The following ALK variants were observed in gnomAD, a reference collection of about 807,000 sequenced individuals.
ALK encodes ALK receptor tyrosine kinase, also known as ALK tyrosine kinase receptor.
A neutral mutation model predicts 163.1 loss-of-function variants in ALK; 74 were observed. That is an observed-to-expected ratio of 0.45 (90% CI 0.38 to 0.55). The LOEUF (loss-of-function observed/expected upper bound fraction) is 0.55, where lower values mean the gene tolerates loss of function less well. Among genes scored for constraint, ALK ranks in the 20% least tolerant of loss-of-function variants. The pLI, the probability that ALK is intolerant of heterozygous loss-of-function variation, is 0.00. For synonymous variants in ALK, 960 were observed against 843.2 expected, an observed-to-expected ratio of 1.14 and a Z score of -2.40; for missense variants, 2,063 against 2,105.3, an observed-to-expected ratio of 0.98 and a Z score of 0.39.
intron 4 of ALK, among the ~76,000 whole-genome samples, chr2:29,529,578 T>C (rs1673060994): frequency 6.6e-6 from 1 of 152,228 alleles, no homozygotes; most frequent in Non-Finnish European, 1.5e-5. Flanking sequence ...CTCTGAACAG[T>C]GCAAAGCTGG....
chr2:29,711,609 G>T (rs1264782263), intron 2 of ALK, among the ~76,000 whole-genome samples: 3 of 151,610 alleles, frequency 2.0e-5, no homozygotes, highest in Non-Finnish European at 2.9e-5. Context: ...TGCTAAGGGG[G>T]AAATGATGCA....
intron 3 of ALK, among the ~76,000 whole-genome samples, chr2:29,588,420 G>A (rs1674951702): frequency 6.6e-6 from 1 of 152,006 alleles, no homozygotes; most frequent in Non-Finnish European, 1.5e-5. Flanking sequence ...TAGTAGAGAT[G>A]GGGTTTTGCC....
intron 4 of ALK, among the ~76,000 whole-genome samples, chr2:29,522,906 C>A (rs1345212413): frequency 6.6e-6 from 1 of 152,034 alleles, no homozygotes; most frequent in Admixed American, 6.5e-5. Context: ...AAAGTGAAAG[C>A]GAGGGGAGAG....
intron 1 of ALK, among the ~76,000 whole-genome samples, chr2:29,887,487 A>T (rs1369940765): frequency 2.0e-5 from 3 of 152,162 alleles, no homozygotes; most frequent in African/African-American, 7.2e-5. Context: ...TCTGCCACAC[A>T]CTATTAGTCA....
chr2:29,545,260 G>A (rs1005283641), intron 3 of ALK, among the ~76,000 whole-genome samples: 14 of 152,188 alleles, frequency 9.2e-5, no homozygotes, highest in Admixed American at 3.9e-4. Flanking sequence ...CCATGGCTGA[G>A]CAGTATTTGA....
chr2:29,421,364 C>T (rs970638772), intron 4 of ALK, among the ~76,000 whole-genome samples: 6 of 151,384 alleles, frequency 4.0e-5, no homozygotes, highest in Non-Finnish European at 8.8e-5. Flanking sequence ...ATTTCAGCTC[C>T]GTTATTGAGT....
At chr2:29,333,912 T>C (rs963550628) in intron 5 of ALK, among the ~76,000 whole-genome samples, 1 of 152,212 alleles carries the variant, frequency 6.6e-6, no homozygotes, top group Non-Finnish European at 1.5e-5. Context: ...GCACCCAGCC[T>C]GAAATTTTCA....
chr2:29,872,617 A>C (rs1666609066), intron 1 of ALK, among the ~76,000 whole-genome samples: 2 of 152,200 alleles, frequency 1.3e-5, no homozygotes, highest in South Asian at 4.1e-4. Flanking sequence ...CCAGCATTGC[A>C]AAAGGGTATC....
chr2:29,400,713 G>A (rs1021844382), intron 4 of ALK, among the ~76,000 whole-genome samples: 1 of 152,150 alleles, frequency 6.6e-6, no homozygotes, highest in Admixed American at 6.5e-5. Flanking sequence ...GGTGGCTCAC[G>A]CCTGTGGTCC....
chr2:29,669,648 T>C (rs1008884060), intron 3 of ALK, among the ~76,000 whole-genome samples: 3 of 152,076 alleles, frequency 2.0e-5, no homozygotes, highest in Admixed American at 1.3e-4. Flanking sequence ...ATTCTCTGCT[T>C]TCTGGCTGTT....
rs142109683 is a variant in ALK, at chr2:29,239,797, G to C, written c.2238C>G (p.Gly746=). ...ISGYGAAGGK[G]GKNTMMRSHG... Reference sequence around the variant, plus strand: ...GGGACCGCATCATGGTGTTCTTCCCGCCTTTCCCGCCAGCAGCTCCGTAGC... The same window carrying C: ...GGGACCGCATCATGGTGTTCTTCCCCCCTTTCCCGCCAGCAGCTCCGTAGC... The change falls in exon 13 of 29, where the codon GGC becomes GGG. Residue 746 remains glycine, a synonymous_variant. Coordinates refer to ENST00000389048, the MANE Select transcript of ALK (RefSeq NM_004304.5). 2 of 1,613,630 alleles carry C rather than the reference G, an allele frequency of 1.2e-6. No homozygotes were observed. Among genetic ancestry groups the C allele is most frequent in the African/African-American group, 2.7e-5 (2 of 74,908 alleles).
At chr2:29,673,581 C>A (rs1363014157) in intron 3 of ALK, among the ~76,000 whole-genome samples, 98 of 136,950 alleles carry the variant, frequency 7.2e-4, no homozygotes, top group African/African-American at 2.7e-3. Flanking sequence ...GTTACTGTAG[C>A]CTTGTAGTAT....
At chr2:29,216,748 CGT>C (rs895786143) in intron 23 of ALK, among the ~76,000 whole-genome samples, 1 of 147,842 alleles carries the variant, frequency 6.8e-6, no homozygotes, top group African/African-American at 2.5e-5. Context: ...GTTTTGTGTA[CGT>C]GTGTGGTTTG....
intron 8 of ALK, among the ~76,000 whole-genome samples, chr2:29,306,921 C>T (rs555407094): frequency 1.4e-4 from 22 of 152,328 alleles, no homozygotes; most frequent in African/African-American, 4.6e-4. Context: ...TTCCAGCCAG[C>T]GCTTTCACAA....
intron 4 of ALK, among the ~76,000 whole-genome samples, chr2:29,518,201 G>A (rs1672721643): frequency 1.3e-5 from 2 of 152,170 alleles, no homozygotes; most frequent in South Asian, 4.1e-4. Flanking sequence ...AGACAACAGT[G>A]CAGCTCATAC....
chr2:29,652,904 ATAAG>A (rs140136243), intron 3 of ALK, among the ~76,000 whole-genome samples: 2,153 of 152,230 alleles, frequency 0.014, 52 homozygotes, highest in African/African-American at 0.048. Context: ...ATCGGTAGAC[ATAAG>A]TAAGTTTCTC....
chr2:29,760,405 G>A (rs1217712015), intron 1 of ALK, among the ~76,000 whole-genome samples: 3 of 152,208 alleles, frequency 2.0e-5, no homozygotes, highest in African/African-American at 7.2e-5. Context: ...CTTATAGAGT[G>A]ATAATGAAGT....
chr2:29,888,978 T>G (rs1667062814), intron 1 of ALK, among the ~76,000 whole-genome samples: 1 of 152,158 alleles, frequency 6.6e-6, no homozygotes, highest in Non-Finnish European at 1.5e-5. Flanking sequence ...TCCCAATGTA[T>G]AAAACCAACA....
chr2:29,255,038 C>T (rs143306378), intron 11 of ALK, among the ~76,000 whole-genome samples: 1 of 152,302 alleles, frequency 6.6e-6, no homozygotes, highest in South Asian at 2.1e-4. Context: ...CTGTGTCAGA[C>T]CCATGATTTA....
Sources: gnomAD v4.1 joint callset for allele counts (sites outside exome capture counted in the v4.1 genomes callset) on GRCh38, gnomAD v4.1.1 for gene constraint, MANE v1.5 for transcripts, NCBI Gene and HGNC (gene_info 2026-07-23, HGNC 2026-07-21) for gene names.